The following SPATA17 variants were observed in gnomAD, a reference collection of about 807,000 sequenced individuals.
The protein encoded by SPATA17 is spermatogenesis-associated protein 17.
Under a neutral mutation model 62.2 loss-of-function variants are expected in SPATA17, and 53 were observed. The observed-to-expected ratio is 0.85, with a 90% CI of 0.68 to 1.07. SPATA17 has a LOEUF of 1.07. SPATA17 is among the 50% of genes least tolerant of loss of function. The pLI, the probability that SPATA17 is intolerant of heterozygous loss-of-function variation, is 0.00. For synonymous variants in SPATA17, 146 were observed against 146.8 expected, an observed-to-expected ratio of 0.99 and a Z score of 0.04; for missense variants, 466 against 425.5, an observed-to-expected ratio of 1.10 and a Z score of -0.84.
rs370809411 is a variant in SPATA17, at chr1:217,750,432, G to T, written c.519+8334G>T. Among the ~76,000 whole-genome samples the T allele has an allele frequency of 2.6e-5, 4 of 152,080 alleles. No homozygotes were observed. The East Asian group carries it at 5.8e-4, about 22-fold the overall frequency. On this transcript the variant is annotated intron_variant, in intron 6 of 10. Transcript: ENST00000366933. ...CTGGGGAGGAAAGTAGGTATTTATG[G>T]CACTAAAAAGAATATTAAGAGGACA...
chr1:217,724,420 T>C (rs1465751731), intron 5 of SPATA17, among the ~76,000 whole-genome samples: 1 of 151,950 alleles, frequency 6.6e-6, no homozygotes, highest in Non-Finnish European at 1.5e-5. Context: ...AAACCCCGTC[T>C]CTACTAAGAA....
At chr1:217,831,930 A>T (rs1317688396) in intron 9 of SPATA17, among the ~76,000 whole-genome samples, 3 of 152,202 alleles carry the variant, frequency 2.0e-5, no homozygotes, top group African/African-American at 4.8e-5. Context: ...ACTGAATCCT[A>T]TAAACCATTT....
At chr1:217,661,301 C>T (rs1483494250) in intron 3 of SPATA17, among the ~76,000 whole-genome samples, 2 of 151,812 alleles carry the variant, frequency 1.3e-5, no homozygotes, top group Admixed American at 6.6e-5. Flanking sequence ...GAGGAGAAAA[C>T]TTATAGGAAA....
chr1:217,663,032 A>C (rs534071031), intron 3 of SPATA17, among the ~76,000 whole-genome samples: 1 of 152,206 alleles, frequency 6.6e-6, no homozygotes, highest in Non-Finnish European at 1.5e-5. Context: ...TTTTTATCAT[A>C]ATTATAATAT....
intron 5 of SPATA17, among the ~76,000 whole-genome samples, chr1:217,715,676 A>G (rs1671985774): frequency 6.6e-6 from 1 of 152,230 alleles, no homozygotes; most frequent in East Asian, 1.9e-4. Context: ...ATGCAAAAAA[A>G]AAAAAAACTG....
intron 3 of SPATA17, among the ~76,000 whole-genome samples, chr1:217,666,869 G>A (rs1558558233): frequency 6.6e-6 from 1 of 152,016 alleles, no homozygotes; most frequent in African/African-American, 2.4e-5. Flanking sequence ...AGACAATTGA[G>A]AATAAATGTG....
chr1:217,702,395 C>T (rs1671619744), intron 5 of SPATA17, among the ~76,000 whole-genome samples: 1 of 152,050 alleles, frequency 6.6e-6, no homozygotes, highest in African/African-American at 2.4e-5. Flanking sequence ...TCTTTTCCCA[C>T]CCATTTGGAA....
At chr1:217,794,597 A>C (rs927987766) in intron 8 of SPATA17, among the ~76,000 whole-genome samples, 1 of 152,180 alleles carries the variant, frequency 6.6e-6, no homozygotes, top group Non-Finnish European at 1.5e-5. Flanking sequence ...ATGGCAATTA[A>C]ATTATTTAAA....
intron 4 of SPATA17, among the ~76,000 whole-genome samples, chr1:217,672,826 C>T (rs1352916761): frequency 6.6e-6 from 1 of 152,054 alleles, no homozygotes; most frequent in African/African-American, 2.4e-5. Context: ...GAACCTGTAA[C>T]ATTTTATTAT....
intron 5 of SPATA17, among the ~76,000 whole-genome samples, chr1:217,685,325 G>A (rs1050673038): frequency 5.3e-5 from 8 of 152,204 alleles, no homozygotes; most frequent in Admixed American, 1.3e-4. Flanking sequence ...AATAGGTAAA[G>A]AGGTGGTTTG....
chr1:217,833,951 G>A (rs531565879), intron 9 of SPATA17, among the ~76,000 whole-genome samples: 3 of 152,196 alleles, frequency 2.0e-5, no homozygotes, highest in South Asian at 4.1e-4. Context: ...AATTTACTTA[G>A]GTATGTAGTG....
intron 4 of SPATA17, among the ~76,000 whole-genome samples, chr1:217,673,213 G>A (rs1264372524): frequency 1.3e-5 from 2 of 152,108 alleles, no homozygotes; most frequent in Non-Finnish European, 2.9e-5. Flanking sequence ...AAGACTTCAT[G>A]AGATTAAGGA....
At chr1:217,650,608 CA>C (rs1670287304) in intron 2 of SPATA17, among the ~76,000 whole-genome samples, 2 of 151,794 alleles carry the variant, frequency 1.3e-5, no homozygotes, top group Admixed American at 1.3e-4. Context: ...TTAGTAGAGA[CA>C]GGGGCGGTTT....
chr1:217,684,741 G>C (rs1057208082), intron 5 of SPATA17, among the ~76,000 whole-genome samples: 1 of 152,002 alleles, frequency 6.6e-6, no homozygotes, highest in Non-Finnish European at 1.5e-5. Flanking sequence ...TAAAGTCTTT[G>C]AACTAAAGAG....
chr1:217,841,088 T>A (rs973449976), intron 9 of SPATA17, among the ~76,000 whole-genome samples: 5 of 151,972 alleles, frequency 3.3e-5, no homozygotes, highest in African/African-American at 9.7e-5. Flanking sequence ...AATACTTATA[T>A]ATATATGTTT....
intron 9 of SPATA17, among the ~76,000 whole-genome samples, chr1:217,820,751 A>G (rs1279300445): frequency 6.6e-6 from 1 of 152,040 alleles, no homozygotes; most frequent in East Asian, 1.9e-4. Context: ...AGAATCACAA[A>G]ATTGAATATA....
chr1:217,733,059 T>C (rs958528715), intron 5 of SPATA17, among the ~76,000 whole-genome samples: 1 of 152,216 alleles, frequency 6.6e-6, no homozygotes, highest in Non-Finnish European at 1.5e-5. Flanking sequence ...TGGAGTCTTA[T>C]TGCTTTTTAT....
intron 3 of SPATA17, among the ~76,000 whole-genome samples, chr1:217,655,731 G>T (rs1670426657): frequency 6.6e-6 from 1 of 151,976 alleles, no homozygotes; most frequent in African/African-American, 2.4e-5. Context: ...CAATGGGTGG[G>T]TTATGGTCAA....
rs1023429665 is a variant in SPATA17, at chr1:217,821,832, C to T, written c.1005+19982C>T. ...CAGAAGTAATGCTAAGGGGAGCACT[C>T]ATGCAAGGGGCGCAAACTCTGCCAC... On this transcript the variant is annotated intron_variant, in intron 9 of 10. Transcript: ENST00000366933. Among the ~76,000 whole-genome samples the T allele has an allele frequency of 3.3e-5, 5 of 152,052 alleles. No homozygotes were observed. The East Asian group carries it at 9.6e-4, about 29-fold the overall frequency.
Sources: gnomAD v4.1 joint callset for allele counts (sites outside exome capture counted in the v4.1 genomes callset) on GRCh38, gnomAD v4.1.1 for gene constraint, MANE v1.5 for transcripts, NCBI Gene and HGNC (gene_info 2026-07-23, HGNC 2026-07-21) for gene names.